SLAMF9: variants seen among roughly 807,000 people sequenced by gnomAD.
The protein encoded by SLAMF9 is CD2 family member 10.
SLAMF9 carries 25 observed loss-of-function variants against 30.4 expected under a neutral mutation model. That is an observed-to-expected ratio of 0.82 (90% CI 0.60 to 1.15). SLAMF9 has a LOEUF of 1.15. SLAMF9 is among the 50% of genes most tolerant of loss of function. The pLI is 0.00. For missense variants in SLAMF9, 344 were observed against 346.1 expected (o/e 0.99, Z 0.05); for synonymous variants, 129 against 127.2 (o/e 1.01, Z -0.09).
At chr1:159,976,960 G>A in the SLAMF9 span, 7 of 101,882 alleles carry the variant, frequency 6.9e-5, no homozygotes, top group African/African-American at 2.7e-4. Context: ...AAGAAAGAAA[G>A]AGAAAGAAAG....
the SLAMF9 span, among the ~76,000 whole-genome samples, chr1:159,980,069 C>T: frequency 6.6e-6 from 1 of 152,142 alleles, no homozygotes; most frequent in African/African-American, 2.4e-5. Context: ...TGAGCAAAAC[C>T]AAGGCAAAGG....
chr1:159,978,293 G>A, the SLAMF9 span, among the ~76,000 whole-genome samples: 2 of 152,114 alleles, frequency 1.3e-5, no homozygotes, highest in South Asian at 2.1e-4. Flanking sequence ...GGGGGCAGGC[G>A]AGGGGAACTT....
Position 159,953,582 on chromosome 1 carries a change from G to A in SLAMF9, c.118C>T (p.Leu40Phe), listed in dbSNP as rs1265259463. The stretch of plus-strand genomic sequence containing the variant: ...TCATCTGGTGGTATTTCCAGGGGGA[G>A]GCTGATGGACTCCTGAAGGACCGCA... ...VVAVLQESIS[L>F]PLEIPPDEEV... The change falls in exon 2 of 4, where the codon CTC (leucine) becomes TTC (phenylalanine). Residue 40 changes from leucine (L) to phenylalanine (F), a missense_variant. Physicochemically the swap from Leu to Phe is conservative, Grantham distance 22. Coordinates refer to ENST00000368093, the MANE Select transcript of SLAMF9 (RefSeq NM_033438.4). 6.2e-7 allele frequency: 1 copy of A among 1,614,104 alleles called. No homozygotes were observed. Among genetic ancestry groups the A allele is most frequent in the Admixed American group, 1.7e-5 (1 of 60,028 alleles).
the SLAMF9 span, among the ~76,000 whole-genome samples, chr1:159,972,180 T>C: frequency 6.6e-6 from 1 of 152,114 alleles, no homozygotes; most frequent in Admixed American, 6.6e-5. Context: ...ACCTCTCTGT[T>C]CGTGCCCTGT....
chr1:159,970,959 T>G, the SLAMF9 span, among the ~76,000 whole-genome samples: 2 of 152,134 alleles, frequency 1.3e-5, no homozygotes, highest in Non-Finnish European at 2.9e-5. Context: ...TCCTTTCCCA[T>G]GGGGTTAGGA....
the SLAMF9 span, chr1:159,972,811 G>A: frequency 4.7e-6 from 4 of 852,380 alleles, no homozygotes; most frequent in Non-Finnish European, 1.6e-6. Context: ...GGACCGTGGT[G>A]CAGAGTGAGC....
rs1651832857 is a variant in SLAMF9 at position 159,953,419 on chromosome 1, G to A, written c.281C>T (p.Ser94Phe). ...CCAGCTCAGATTGCTGATATGCAGG[G>A]AATAGCTGGGGTCCAGGAAGCTCAC... Reference protein sequence around the residue: ...GQVSFLDPSYSLHISNLSWED... With the variant: ...GQVSFLDPSYFLHISNLSWED... Residue 94 changes from serine (S) to phenylalanine (F), a missense_variant, in exon 2 of 4, where the codon TCC (serine) becomes TTC (phenylalanine). By Grantham distance (155) the Ser-to-Phe change is radical (BLOSUM62 -2). Transcript: ENST00000368093. 1.9e-6 allele frequency: 3 copies of A among 1,614,102 alleles called. No individual in the cohort carries two copies. In the South Asian group the frequency reaches 3.3e-5, roughly 18 times the overall value.
chr1:159,962,183 G>A, the SLAMF9 span, among the ~76,000 whole-genome samples: 2 of 152,102 alleles, frequency 1.3e-5, no homozygotes, highest in African/African-American at 2.4e-5. Flanking sequence ...TACCTTTGAC[G>A]GCAAGGGGAA....
intron 2 of SLAMF9, 127 bp downstream of exon 2, chr1:159,953,182 G>A (rs778369322): frequency 9.5e-6 from 7 of 738,212 alleles, no homozygotes; most frequent in Non-Finnish European, 1.6e-5. Flanking sequence ...TATCTAGATT[G>A]GAGACAGTCT....
At chr1:159,954,626 T>C (rs1651884565), upstream of SLAMF9, among the ~76,000 whole-genome samples, 1 of 152,224 alleles carries the variant, frequency 6.6e-6, no homozygotes, top group African/African-American at 2.4e-5. Context: ...TCATTTCCTG[T>C]GTATGTCCCA....
chr1:159,970,648 T>A, the SLAMF9 span, among the ~76,000 whole-genome samples: 5 of 152,234 alleles, frequency 3.3e-5, no homozygotes, highest in East Asian at 9.6e-4. Flanking sequence ...TCTAACCTCA[T>A]CTTCCTAACT....
the SLAMF9 span, chr1:159,961,180 T>C: frequency 1.3e-5 from 2 of 152,186 alleles, no homozygotes; most frequent in South Asian, 2.1e-4. Flanking sequence ...CCTGGATCTT[T>C]AGGAGCAATT....
intron 3 of SLAMF9, 65 bp downstream of exon 3, chr1:159,952,196 GA>G: frequency 6.4e-7 from 1 of 1,562,558 alleles, no homozygotes; most frequent in East Asian, 2.3e-5. Context: ...AGAGCTGGGG[GA>G]GGGAGATGGT....
Position 159,953,588 on chromosome 1 carries a change from T to C in SLAMF9, c.112A>G (p.Ile38Val). ...GGTGGTATTTCCAGGGGGAGGCTGA[T>C]GGACTCCTGAAGGACCGCAACCACT... Reference protein sequence around the residue: ...EEVVAVLQESISLPLEIPPDE... With the variant: ...EEVVAVLQESVSLPLEIPPDE... The change falls in exon 2 of 4, where the codon ATC (isoleucine) becomes GTC (valine). Residue 38 changes from isoleucine (I) to valine (V), a missense_variant. Ile to Val is a conservative substitution (Grantham distance 29). Coordinates refer to ENST00000368093, the MANE Select transcript of SLAMF9 (RefSeq NM_033438.4). The C allele has an allele frequency of 6.2e-7, 1 of 1,614,096 alleles. No homozygotes were observed. Among genetic ancestry groups the C allele is most frequent in the East Asian group, 2.2e-5 (1 of 44,868 alleles).
chr1:159,975,091 T>C, the SLAMF9 span, among the ~76,000 whole-genome samples: 3 of 152,242 alleles, frequency 2.0e-5, no homozygotes, highest in Admixed American at 6.5e-5. Context: ...AGTACTCATA[T>C]GTACGTCAGA....
rs1036380127 is a variant in SLAMF9, at chr1:159,953,618, C to A, written c.82G>T (p.Glu28Ter). 6.2e-7 allele frequency: 1 copy of A among 1,608,782 alleles called. No individual in the cohort carries two copies. The highest frequency in any genetic ancestry group is 1.1e-5 in the South Asian group (1 of 90,730). The change falls in exon 2 of 4, where the codon GAG becomes TAG. Residue 28 changes from glutamate (E) to a stop codon, truncating the protein, a stop_gained. Coordinates refer to ENST00000368093, the MANE Select transcript of SLAMF9 (RefSeq NM_033438.4). LOFTEE classifies it high-confidence loss of function. ...QRRLWRWCGS[E>*]EVVAVLQESI... ...TCCTGAAGGACCGCAACCACTTCCTCGGATCCACACCATCTCCAGAGTCTC... is the reference window on the plus strand; with the variant it reads ...TCCTGAAGGACCGCAACCACTTCCTAGGATCCACACCATCTCCAGAGTCTC...
chr1:159,957,475 T>G (rs905442368), upstream of SLAMF9, among the ~76,000 whole-genome samples: 1 of 151,826 alleles, frequency 6.6e-6, no homozygotes, highest in African/African-American at 2.4e-5. Context: ...AATACAAAAA[T>G]TAGCCAGGTG....
chr1:159,953,610 C>G lies in SLAMF9; in HGVS notation c.90G>C (p.Val30=), dbSNP rs575847451. ...TGATGGACTCCTGAAGGACCGCAAC[C>G]ACTTCCTCGGATCCACACCATCTCC... The part of the protein sequence containing the change: ...RLWRWCGSEE[V]VAVLQESISL... Residue 30 remains valine (V), a synonymous_variant, in exon 2 of 4, where the codon GTG becomes GTC. Transcript: ENST00000368093. 2.5e-6 allele frequency: 4 copies of G among 1,612,842 alleles called. No homozygotes were observed. The South Asian group carries it at 3.3e-5, about 13-fold the overall frequency.
chr1:159,961,005 C>T, the SLAMF9 span, among the ~76,000 whole-genome samples: 22 of 152,146 alleles, frequency 1.4e-4, no homozygotes, highest in Non-Finnish European at 2.9e-4. Flanking sequence ...TCCTCCCTTC[C>T]TTGTCTCATT....
Sources: allele counts gnomAD v4.1 joint callset (sites outside exome capture counted in the v4.1 genomes callset), GRCh38; gene constraint gnomAD v4.1.1; transcripts MANE v1.5; gene names NCBI Gene and HGNC (gene_info 2026-07-23, HGNC 2026-07-21).